Variants in RAB37 observed in about 807,000 individuals in gnomAD.
RAB37 encodes RAB37, member RAS oncogene family.
Under a neutral mutation model 33.1 loss-of-function variants are expected in RAB37, and 29 were observed. The ratio of observed to expected loss-of-function variants is 0.88; its 90% CI spans 0.65 to 1.20. The LOEUF is 1.20. Among genes scored for constraint, RAB37 ranks in the 50% most tolerant of loss-of-function variants. The probability of loss-of-function intolerance (pLI) is 0.00; values close to 1 mark genes in which losing one functional copy is unlikely to be tolerated. For synonymous variants in RAB37, 128 were observed against 119.5 expected (o/e 1.07, Z -0.47); for missense variants, 299 against 301.1 (o/e 0.99, Z 0.05).
chr17:74,697,946 C>T (rs2032658628), intron 1 of RAB37, among the ~76,000 whole-genome samples: 1 of 152,140 alleles, frequency 6.6e-6, no homozygotes, highest in East Asian at 1.9e-4. Flanking sequence ...GTGTGTGCAT[C>T]CACTGGTGTG....
intron 1 of RAB37, among the ~76,000 whole-genome samples, chr17:74,692,008 G>A (rs577821083): frequency 3.1e-4 from 47 of 152,074 alleles, no homozygotes; most frequent in African/African-American, 1.1e-3. Flanking sequence ...TAGGACTACA[G>A]GCACCCGCCA....
chr17:74,706,543 CTGTAA>C (rs2033534284), intron 1 of RAB37, among the ~76,000 whole-genome samples: 1 of 152,078 alleles, frequency 6.6e-6, no homozygotes, highest in East Asian at 1.9e-4. Flanking sequence ...TGGCACATGC[CTGTAA>C]TCCCAGCTAC....
intron 1 of RAB37, among the ~76,000 whole-genome samples, chr17:74,681,762 G>A (rs776223689): frequency 3.3e-5 from 5 of 152,176 alleles, no homozygotes; most frequent in Admixed American, 6.5e-5. Context: ...CACCTGTGCT[G>A]TCTACCACCT....
Position 74,745,268 on chromosome 17 carries a change from C to A in RAB37, c.567-38C>A, listed in dbSNP as rs1361748249. 6.3e-7 allele frequency: 1 copy of A among 1,595,056 alleles called. No homozygotes were observed. Among genetic ancestry groups the A allele is most frequent in the African/African-American group, 1.3e-5 (1 of 74,608 alleles). On this transcript the variant is annotated intron_variant, in intron 8 of 8. Transcript: ENST00000392613. The surrounding 1 kb of genome is among the most constrained non-coding windows in gnomAD (Gnocchi z 4.5). ...GGCGGCTCAGCTCCTCACCCCAGCC[C>A]AGCCCAGCCCAGCCCAGCCCATTGT... is the stretch of plus-strand genomic sequence containing the variant.
intron 1 of RAB37, among the ~76,000 whole-genome samples, chr17:74,740,348 C>T (rs1407845346): frequency 3.3e-5 from 5 of 152,184 alleles, no homozygotes; most frequent in Admixed American, 6.5e-5. Context: ...CAGTATAGCC[C>T]AGCCCATGCG....
Position 74,744,948 on chromosome 17 carries a change from G to C in RAB37, c.489+19G>C, listed in dbSNP as rs779982845. 2 of 1,614,270 alleles carry C rather than the reference G, an allele frequency of 1.2e-6. No homozygotes were observed. Among genetic ancestry groups the C allele is most frequent in the South Asian group, 2.2e-5 (2 of 91,088 alleles). On this transcript the variant is annotated intron_variant, in intron 7 of 8. Transcript: ENST00000392613. This position sits in a 1 kb window ranked among gnomAD's most constrained non-coding sequence, Gnocchi z 4.2. ...GGCCAGGGTAAGTGATTGTCTGTGG[G>C]ACAGGGTGAAGGGTGGGGGCAACCC...
chr17:74,703,503 T>A (rs1042560620), intron 1 of RAB37, among the ~76,000 whole-genome samples: 1 of 151,994 alleles, frequency 6.6e-6, no homozygotes, highest in African/African-American at 2.4e-5. Context: ...AGGAGCAGAG[T>A]GGGAACTTGC....
At chr17:74,735,140 G>A (rs968963308), upstream of RAB37, among the ~76,000 whole-genome samples, 18 of 143,668 alleles carry the variant, frequency 1.3e-4, no homozygotes, top group Non-Finnish European at 2.4e-4. Flanking sequence ...AGAAGAGAGA[G>A]AGAGAGAAAG....
chr17:74,686,304 G>GCTGGTGTCAAACTC (rs1392823095), intron 1 of RAB37, among the ~76,000 whole-genome samples: 1 of 152,062 alleles, frequency 6.6e-6, no homozygotes, highest in Non-Finnish European at 1.5e-5. Flanking sequence ...TGTTGGCCAG[G>GCTGGTGTCAAACTC]CTGGTGTCAA....
chr17:74,701,001 A>G (rs1172250724), intron 1 of RAB37, among the ~76,000 whole-genome samples: 4 of 152,134 alleles, frequency 2.6e-5, no homozygotes, highest in Non-Finnish European at 5.9e-5. Context: ...CCACGTGAAC[A>G]CATAGGAAAA....
intron 1 of RAB37, among the ~76,000 whole-genome samples, chr17:74,709,736 G>T (rs1221906624): frequency 6.6e-6 from 1 of 151,820 alleles, no homozygotes; most frequent in East Asian, 1.9e-4. Context: ...ACCATACCAG[G>T]CTAGTATTTT....
chr17:74,736,528 G>T, upstream of RAB37: 1 of 1,452,726 alleles, frequency 6.9e-7, no homozygotes, highest in South Asian at 1.4e-5. Flanking sequence ...TGAGTGTCAT[G>T]GGTTAATAAG....
Position 74,744,723 on chromosome 17 carries a change from G to A in RAB37, c.433-150G>A. 1.1e-6 allele frequency: 1 copy of A among 888,930 alleles called. No homozygotes were observed. Among genetic ancestry groups the A allele is most frequent in the Non-Finnish European group, 1.8e-6 (1 of 543,540 alleles). 55.1% of individuals were successfully genotyped at this position (888,930 alleles called of 1,614,324 possible). A position where few individuals can be genotyped will look rare whatever the true frequency, so the allele number is the denominator to read the frequency against. On this transcript the variant is annotated intron_variant, in intron 6 of 8. Transcript: ENST00000392613. This position sits in a 1 kb window ranked among gnomAD's most constrained non-coding sequence, Gnocchi z 4.2. The stretch of plus-strand genomic sequence containing the variant: ...AGATCCCAGAGCTGGGAGCTACACT[G>A]GGCAGAAACCCTGGCCCCAGGCCAA...
chr17:74,692,493 C>A (rs1164921574), intron 1 of RAB37, among the ~76,000 whole-genome samples: 1 of 152,104 alleles, frequency 6.6e-6, no homozygotes, highest in Non-Finnish European at 1.5e-5. Flanking sequence ...GTCAGGCAAA[C>A]CCCAGGACAC....
rs911317841 is a variant in RAB37, at chr17:74,742,411, C to A, written c.246+116C>A. 2.4e-5 allele frequency: 18 copies of A among 755,578 alleles called. No individual in the cohort carries two copies. Among genetic ancestry groups the A allele is most frequent in the Middle Eastern group, 3.0e-4 (1 of 3,368 alleles). 46.8% of individuals were successfully genotyped at this position (755,578 alleles called of 1,614,324 possible). ...CCGCCTGGGGCAATTTCCTGTGGGG[C>A]CCACGGGAGGAAATGGCTTTTGTTT... is the stretch of plus-strand genomic sequence containing the variant. On this transcript the variant is annotated intron_variant, in intron 3 of 8. Coordinates refer to ENST00000392613, the MANE Select transcript of RAB37 (RefSeq NM_001006638.3). The surrounding 1 kb of genome is among the most constrained non-coding windows in gnomAD (Gnocchi z 4.0).
At chr17:74,736,884 G>T, upstream of RAB37, 1 of 1,496,096 alleles carries the variant, frequency 6.7e-7, no homozygotes, top group Non-Finnish European at 8.9e-7. Context: ...ACGGCCCGGG[G>T]CTCGGGCGCC....
chr17:74,740,729 CCT>C (rs753378456), intron 1 of RAB37, 37 bp from the exon 2 acceptor site: 2 of 1,395,160 alleles, frequency 1.4e-6, no homozygotes, highest in Non-Finnish European at 2.0e-6. Flanking sequence ...AGAAGCTGCC[CCT>C]GACTCCCCAT....
intron 1 of RAB37, among the ~76,000 whole-genome samples, chr17:74,704,062 G>C (rs1401674523): frequency 6.6e-6 from 1 of 152,118 alleles, no homozygotes; most frequent in Non-Finnish European, 1.5e-5. Context: ...TGGGAGATGG[G>C]AACAGCAGCT....
At chr17:74,694,855 G>A (rs539741273) in intron 1 of RAB37, 5 of 414,516 alleles carry the variant, frequency 1.2e-5, no homozygotes, top group African/African-American at 4.0e-5. Context: ...AAGCCCCAGA[G>A]CATATCCCTA....
Sources: allele counts gnomAD v4.1 joint callset (sites outside exome capture counted in the v4.1 genomes callset), GRCh38; gene constraint gnomAD v4.1.1; non-coding constraint Gnocchi (gnomAD v3.1); transcripts MANE v1.5; gene names NCBI Gene and HGNC (gene_info 2026-07-23, HGNC 2026-07-21).